Variants in C10orf90 observed in about 807,000 individuals in gnomAD.
C10orf90 encodes chromosome 10 open reading frame 90, also known as (E2-independent) E3 ubiquitin-conjugating enzyme FATS.
C10orf90 carries 56 observed loss-of-function variants against 62.5 expected under a neutral mutation model. The ratio of observed to expected loss-of-function variants is 0.90; its 90% CI spans 0.72 to 1.12. The LOEUF is 1.12. Among genes scored for constraint, C10orf90 ranks in the 50% most tolerant of loss-of-function variants. C10orf90 has a pLI of 0.00. For missense variants in C10orf90, 970 were observed against 880.4 expected, an observed-to-expected ratio of 1.10 and a Z score of -1.29; for synonymous variants, 386 against 340.4, an observed-to-expected ratio of 1.13 and a Z score of -1.47.
At chr10:126,481,615 T>G (rs1377494714) in intron 4 of C10orf90, among the ~76,000 whole-genome samples, 3 of 152,226 alleles carry the variant, frequency 2.0e-5, no homozygotes, top group Admixed American at 1.3e-4. Context: ...GTTGGAAGCC[T>G]GGCTCCCACT....
At chr10:126,630,270 G>A (rs567601566) in intron 2 of C10orf90, among the ~76,000 whole-genome samples, 1 of 152,278 alleles carries the variant, frequency 6.6e-6, no homozygotes, top group Non-Finnish European at 1.5e-5. Context: ...AGCAAATCCT[G>A]TCTGGACCCC....
chr10:126,546,258 C>T (rs1233633794), intron 2 of C10orf90, among the ~76,000 whole-genome samples: 1 of 152,212 alleles, frequency 6.6e-6, no homozygotes, highest in African/African-American at 2.4e-5. Flanking sequence ...CAGCAAAGGC[C>T]AGCATGCCTC....
At chr10:126,640,826 C>T (rs746156296) in intron 2 of C10orf90, among the ~76,000 whole-genome samples, 1 of 152,210 alleles carries the variant, frequency 6.6e-6, no homozygotes, top group African/African-American at 2.4e-5. Context: ...GGGAAAGGCA[C>T]TAAATGCTAT....
chr10:126,648,337 A>G (rs1846212035), intron 1 of C10orf90, among the ~76,000 whole-genome samples: 1 of 152,202 alleles, frequency 6.6e-6, no homozygotes, highest in African/African-American at 2.4e-5. Flanking sequence ...GGAAGAAGCA[A>G]GAAGGCTCTT....
At chr10:126,490,013 TTA>T (rs1564827971) in intron 4 of C10orf90, among the ~76,000 whole-genome samples, 1 of 74,322 alleles carries the variant, frequency 1.3e-5, no homozygotes, top group Non-Finnish European at 2.4e-5. Context: ...ATTATATATA[TTA>T]TATATAATAT....
intron 2 of C10orf90, among the ~76,000 whole-genome samples, chr10:126,645,790 T>C (rs1846158831): frequency 6.6e-6 from 1 of 152,304 alleles, no homozygotes; most frequent in African/African-American, 2.4e-5. Context: ...TGCGTACATG[T>C]ATACATACAT....
chr10:126,427,076 T>G (rs1857309261), intron 8 of C10orf90, among the ~76,000 whole-genome samples: 1 of 152,226 alleles, frequency 6.6e-6, no homozygotes, highest in Non-Finnish European at 1.5e-5. Context: ...TCTGTTTGAC[T>G]CTTTCTAGAC....
At chr10:126,490,380 T>TAAATGGGGAGTTAGTGTC in intron 4 of C10orf90, among the ~76,000 whole-genome samples, 1 of 151,382 alleles carries the variant, frequency 6.6e-6, no homozygotes, top group Non-Finnish European at 1.5e-5. Flanking sequence ...GAGTTAGTGT[T>TAAATGGGGAGTTAGTGTC]TAATGGGGAG....
At chr10:126,622,056 A>G (rs1311701967) in intron 2 of C10orf90, among the ~76,000 whole-genome samples, 2 of 150,670 alleles carry the variant, frequency 1.3e-5, no homozygotes, top group African/African-American at 4.9e-5. Context: ...TCCTCCTCCC[A>G]TTTTCTCCTA....
chr10:126,645,258 TAAAAAAAAA>T (rs1182066967), intron 2 of C10orf90, among the ~76,000 whole-genome samples: 2 of 66,316 alleles, frequency 3.0e-5, no homozygotes, highest in Non-Finnish European at 6.9e-5. Flanking sequence ...ACTTAAAGTA[TAAAAAAAAA>T]AAAAAAAAAA....
chr10:126,461,663 G>C, intron 5 of C10orf90, 78 bp from the exon 6 acceptor site: 13 of 1,365,136 alleles, frequency 9.5e-6, no homozygotes, highest in Non-Finnish European at 2.0e-6. Flanking sequence ...ATTAGACACA[G>C]AAGACAATTT....
At chr10:126,534,783 C>T (rs539002364) in intron 2 of C10orf90, among the ~76,000 whole-genome samples, 9 of 152,294 alleles carry the variant, frequency 5.9e-5, no homozygotes, top group East Asian at 5.8e-4. Context: ...GGGGAGCAAG[C>T]GGTGGCTTTG....
At chr10:126,594,688 T>A (rs545760148) in intron 2 of C10orf90, among the ~76,000 whole-genome samples, 1 of 152,266 alleles carries the variant, frequency 6.6e-6, no homozygotes, top group East Asian at 1.9e-4. Context: ...CCTCTCTGAG[T>A]AGCTGATGAT....
chr10:126,562,457 A>G (rs915334775), intron 2 of C10orf90, among the ~76,000 whole-genome samples: 1 of 152,182 alleles, frequency 6.6e-6, no homozygotes, highest in Non-Finnish European at 1.5e-5. Flanking sequence ...TGCAGATAGC[A>G]TGAGACAGAA....
At chr10:126,605,605 T>C (rs1845291593) in intron 2 of C10orf90, among the ~76,000 whole-genome samples, 1 of 152,158 alleles carries the variant, frequency 6.6e-6, no homozygotes, top group Non-Finnish European at 1.5e-5. Flanking sequence ...GCAGAGAATG[T>C]GGATCCAGCC....
intron 2 of C10orf90, chr10:126,520,228 C>A (rs920165): frequency 0.89 from 135,253 of 152,218 alleles, 60,279 homozygotes; most frequent in African/African-American, 0.96. Context: ...TCAGCAAGGT[C>A]ACAATCAAGC....
intron 2 of C10orf90, among the ~76,000 whole-genome samples, chr10:126,629,672 G>T (rs1485004229): frequency 1.3e-5 from 2 of 152,218 alleles, no homozygotes; most frequent in Admixed American, 1.3e-4. Context: ...GCTCACAAGG[G>T]ATGAGTAGCC....
chr10:126,483,075 A>G (rs936439241), intron 4 of C10orf90, among the ~76,000 whole-genome samples: 9 of 152,256 alleles, frequency 5.9e-5, no homozygotes, highest in African/African-American at 1.7e-4. Context: ...TGACAGTTAT[A>G]GTGTGTGAAT....
chr10:126,572,376 T>A (rs1844524946), intron 2 of C10orf90, among the ~76,000 whole-genome samples: 1 of 152,094 alleles, frequency 6.6e-6, no homozygotes. Context: ...AGCAAGTTTA[T>A]TAAGGAAGTA....
Sources: gnomAD v4.1 joint callset for allele counts (sites outside exome capture counted in the v4.1 genomes callset) on GRCh38, gnomAD v4.1.1 for gene constraint, MANE v1.5 for transcripts, NCBI Gene and HGNC (gene_info 2026-07-23, HGNC 2026-07-21) for gene names.